Variants in NAA50 observed in about 807,000 individuals in gnomAD.
NAA50 encodes N-alpha-acetyltransferase 50.
A neutral mutation model predicts 20.7 loss-of-function variants in NAA50; 7 were observed. The observed-to-expected ratio is 0.34, with a 90% CI of 0.19 to 0.63. NAA50 has a LOEUF of 0.63. Ranked by LOEUF, NAA50 falls within the 30% of genes least tolerant of loss-of-function variation. The pLI is 0.75. For synonymous variants in NAA50, 54 were observed against 70.6 expected (o/e 0.77, Z 1.18); for missense variants, 111 against 199.1 (o/e 0.56, Z 2.66).
chr3:113,734,018 A>T (rs1708306484), intron 1 of NAA50, among the ~76,000 whole-genome samples: 2 of 152,140 alleles, frequency 1.3e-5, no homozygotes, highest in Non-Finnish European at 2.9e-5. Flanking sequence ...ATAAAATGGG[A>T]ATCGATCCTA....
intron 1 of NAA50, among the ~76,000 whole-genome samples, chr3:113,733,139 T>C (rs1472752415): frequency 6.6e-6 from 1 of 152,170 alleles, no homozygotes; most frequent in African/African-American, 2.4e-5. Flanking sequence ...TTGCTTGTCT[T>C]AGTGAGTTGT....
At chr3:113,735,931 T>A (rs1191501893) in intron 1 of NAA50, among the ~76,000 whole-genome samples, 6 of 152,218 alleles carry the variant, frequency 3.9e-5, no homozygotes, top group Admixed American at 1.3e-4. Context: ...TCCTGGTCTC[T>A]CACCTCGGCC....
At chr3:113,729,986 A>G (rs1311420367) in intron 1 of NAA50, among the ~76,000 whole-genome samples, 2 of 152,084 alleles carry the variant, frequency 1.3e-5, no homozygotes, top group Non-Finnish European at 2.9e-5. Flanking sequence ...TTAATCTGAC[A>G]ATTGGAGTAT....
At chr3:113,728,641 C>T (rs1312215575) in intron 1 of NAA50, among the ~76,000 whole-genome samples, 2 of 152,130 alleles carry the variant, frequency 1.3e-5, no homozygotes, top group South Asian at 2.1e-4. Flanking sequence ...TTTATGACGG[C>T]CTCGTATATG....
At chr3:113,731,394 T>C (rs184632579) in intron 1 of NAA50, among the ~76,000 whole-genome samples, 176 of 152,302 alleles carry the variant, frequency 1.2e-3, no homozygotes, top group African/African-American at 4.1e-3. Context: ...TTTTTATGTT[T>C]TCTCTAGACA....
intron 3 of NAA50, 132 bp downstream of exon 3, chr3:113,723,290 A>C: frequency 1.1e-6 from 1 of 901,156 alleles, no homozygotes; most frequent in South Asian, 2.1e-5. Context: ...ATTTTTCACC[A>C]TATTTTACAT....
At chr3:113,724,148 T>C in intron 1 of NAA50, 53 bp from the exon 2 acceptor site, 2 of 1,408,940 alleles carry the variant, frequency 1.4e-6, no homozygotes, top group South Asian at 1.9e-5. Flanking sequence ...CATTTGTTAA[T>C]ATGAACATAT....
intron 1 of NAA50, among the ~76,000 whole-genome samples, chr3:113,734,263 C>T (rs895191778): frequency 6.6e-6 from 1 of 152,006 alleles, no homozygotes; most frequent in Non-Finnish European, 1.5e-5. Flanking sequence ...TACATATGAA[C>T]ATAAAGATGG....
At chr3:113,722,625 T>C (rs1365324770) in intron 4 of NAA50, among the ~76,000 whole-genome samples, 1 of 152,174 alleles carries the variant, frequency 6.6e-6, no homozygotes, top group Admixed American at 6.5e-5. Context: ...TTAATAGTCT[T>C]GAATTCTGAA....
chr3:113,731,805 T>C (rs763695234), intron 1 of NAA50, among the ~76,000 whole-genome samples: 72 of 152,232 alleles, frequency 4.7e-4, no homozygotes, highest in Non-Finnish European at 9.3e-4. Context: ...TCTGATCTTT[T>C]TATTGCTGAA....
At chr3:113,734,813 C>T (rs1282617117) in intron 1 of NAA50, among the ~76,000 whole-genome samples, 1 of 152,146 alleles carries the variant, frequency 6.6e-6, no homozygotes, top group African/African-American at 2.4e-5. Context: ...GGAATAAACA[C>T]CTATAAATAC....
intron 1 of NAA50, among the ~76,000 whole-genome samples, chr3:113,730,445 G>GA (rs139128160): frequency 8.4e-4 from 113 of 134,364 alleles, no homozygotes; most frequent in South Asian, 2.6e-3. Context: ...TTGGCTTTCG[G>GA]AAAAAAAAAA....
At chr3:113,744,852 T>C (rs1708467872) in intron 1 of NAA50, among the ~76,000 whole-genome samples, 1 of 152,208 alleles carries the variant, frequency 6.6e-6, no homozygotes. Context: ...AGAGGTAATA[T>C]TTAGGTCCTT....
At chr3:113,724,138 C>A in intron 1 of NAA50, 43 bp from the exon 2 acceptor site, 1 of 1,460,722 alleles carries the variant, frequency 6.8e-7, no homozygotes, top group South Asian at 1.6e-5. Context: ...TAATTAGCCC[C>A]ATTTGTTAAT....
chr3:113,745,773 G>A (rs368633174), intron 1 of NAA50, 169 bp downstream of exon 1: 10 of 802,774 alleles, frequency 1.2e-5, no homozygotes, highest in Non-Finnish European at 1.8e-5. Flanking sequence ...CCAACAGCCC[G>A]AGCCTCGCCT....
chr3:113,730,217 C>T lies in NAA50; in HGVS notation c.9-6122G>A, dbSNP rs115465042. 4.8e-3 allele frequency among the ~76,000 whole-genome samples: 734 copies of T among 152,226 alleles called. 7 individuals are homozygous for T. Among genetic ancestry groups the T allele is most frequent in the African/African-American group, 0.017 (698 of 41,536 alleles). On this transcript the variant is annotated intron_variant, in intron 1 of 4. Coordinates refer to ENST00000240922, the MANE Select transcript of NAA50 (RefSeq NM_025146.4). ...TTGAGAGGCTGAGGCAGGAGAATTG[C>T]TTGAACCCAAGGGCAGAGGTTGCAG...
At chr3:113,744,964 G>A (rs994466390) in intron 1 of NAA50, among the ~76,000 whole-genome samples, 1 of 152,132 alleles carries the variant, frequency 6.6e-6, no homozygotes, top group Non-Finnish European at 1.5e-5. Context: ...ACATAGTTAC[G>A]ACTTCTTAAT....
At chr3:113,726,061 C>T (rs982348353) in intron 1 of NAA50, among the ~76,000 whole-genome samples, 1 of 152,144 alleles carries the variant, frequency 6.6e-6, no homozygotes, top group African/African-American at 2.4e-5. Context: ...TTTATCCTTC[C>T]TGCCTTGATT....
intron 1 of NAA50, chr3:113,739,332 A>G (rs888940424): frequency 1.3e-5 from 2 of 152,230 alleles, no homozygotes; most frequent in African/African-American, 4.8e-5. Flanking sequence ...TGGAAAGAGA[A>G]GGACATTCTC....
Sources: allele counts gnomAD v4.1 joint callset (sites outside exome capture counted in the v4.1 genomes callset), GRCh38; gene constraint gnomAD v4.1.1; transcripts MANE v1.5; gene names NCBI Gene and HGNC (gene_info 2026-07-23, HGNC 2026-07-21).